DNAI4: variants seen among roughly 807,000 people sequenced by gnomAD.
The protein encoded by DNAI4 is dynein axonemal intermediate chain 4.
DNAI4 carries 85 observed loss-of-function variants against 105.8 expected under a neutral mutation model. The observed-to-expected ratio is 0.80, with a 90% CI of 0.67 to 0.96. The LOEUF is 0.96. Ranked by LOEUF, DNAI4 falls within the 40% of genes least tolerant of loss-of-function variation. The pLI is 0.00. For synonymous variants in DNAI4, 352 were observed against 331.5 expected (o/e 1.06, Z -0.67); for missense variants, 1,014 against 1,005.6 (o/e 1.01, Z -0.11).
chr1:66,814,203 T>C lies in DNAI4; in HGVS notation c.2497-23A>G, dbSNP rs769279022. On this transcript the variant is annotated intron_variant, in intron 16 of 16. Transcript: ENST00000371026. Reference sequence around the variant, plus strand: ...TCCCTGAAAAAAAAAAGTCACACAATTACAATGCAATAAAATGCAAATTAA... The same window carrying C: ...TCCCTGAAAAAAAAAAGTCACACAACTACAATGCAATAAAATGCAAATTAA... 4 of 1,565,496 alleles carry C rather than the reference T, an allele frequency of 2.6e-6. No individual in the cohort carries two copies. In the Admixed American group the frequency reaches 5.5e-5, roughly 22 times the overall value.
intron 1 of DNAI4, 144 bp from the exon 2 acceptor site, chr1:66,905,519 A>G (rs2100832952): frequency 4.0e-6 from 2 of 505,190 alleles, no homozygotes; most frequent in South Asian, 1.5e-4. Flanking sequence ...TTGAAATCTT[A>G]TTATGTATAA....
intron 16 of DNAI4, among the ~76,000 whole-genome samples, chr1:66,818,716 C>T (rs146373405): frequency 0.013 from 1,989 of 152,094 alleles, 33 homozygotes; most frequent in African/African-American, 0.046. Context: ...GTCAGGAGTT[C>T]GAGACCAGCC....
At chr1:66,853,367 A>G (rs1323807188) in intron 7 of DNAI4, among the ~76,000 whole-genome samples, 1 of 152,220 alleles carries the variant, frequency 6.6e-6, no homozygotes, top group African/African-American at 2.4e-5. Context: ...ATTAGGTTTT[A>G]TCATGGTCAG....
At chr1:66,820,321 C>G (rs1645599332) in intron 16 of DNAI4, among the ~76,000 whole-genome samples, 1 of 152,112 alleles carries the variant, frequency 6.6e-6, no homozygotes, top group Admixed American at 6.6e-5. Flanking sequence ...GACTCCACCA[C>G]TAATAACTAA....
Position 66,870,112 on chromosome 1 carries a change from G to A in DNAI4, c.940+1258C>T, listed in dbSNP as rs147376010. Among the ~76,000 whole-genome samples, 149 of 152,278 alleles carry A rather than the reference G, an allele frequency of 9.8e-4. 4 individuals are homozygous for A. In the East Asian group the frequency reaches 0.026, roughly 27 times the overall value. On this transcript the variant is annotated intron_variant, in intron 6 of 16. Coordinates refer to ENST00000371026, the MANE Select transcript of DNAI4 (RefSeq NM_024763.5). ...TTCTGTTAATCTTTTGTAAAAACTA[G>A]CTTATAGTTTTGCTGCATAATAAAG... is the stretch of plus-strand genomic sequence containing the variant.
intron 1 of DNAI4, among the ~76,000 whole-genome samples, chr1:66,910,275 C>T (rs750921143): frequency 5.9e-5 from 9 of 152,074 alleles, no homozygotes; most frequent in African/African-American, 9.7e-5. Flanking sequence ...TATGACTACT[C>T]GAAATCCTTC....
At position 66,891,139 on chromosome 1, in the gene DNAI4, G is replaced by C. The variant is rs1647603893; in HGVS notation, c.643+15C>G. The C allele has an allele frequency of 1.3e-6, 2 of 1,546,694 alleles. No individual in the cohort carries two copies. The highest frequency in any genetic ancestry group is 3.4e-4 in the Middle Eastern group (2 of 5,926). ...AACGGACTGTTACTGAAATAAACAA[G>C]TATATTTTCATTACCTGTGAAACTA... On this transcript the variant is annotated intron_variant, in intron 4 of 16. Coordinates refer to ENST00000371026, the MANE Select transcript of DNAI4 (RefSeq NM_024763.5).
intron 7 of DNAI4, among the ~76,000 whole-genome samples, chr1:66,855,290 TCA>T (rs1180686645): frequency 6.6e-6 from 1 of 152,226 alleles, no homozygotes; most frequent in Non-Finnish European, 1.5e-5. Flanking sequence ...GTTTTCCCCA[TCA>T]CTCTCTCTGC....
At chr1:66,899,758 A>G (rs1268459506) in intron 2 of DNAI4, among the ~76,000 whole-genome samples, 2 of 152,224 alleles carry the variant, frequency 1.3e-5, no homozygotes, top group Non-Finnish European at 2.9e-5. Context: ...GTAAGGGTCT[A>G]AGTTCATTCT....
intron 2 of DNAI4, among the ~76,000 whole-genome samples, chr1:66,894,687 C>G (rs935375987): frequency 2.0e-5 from 3 of 152,102 alleles, no homozygotes; most frequent in African/African-American, 7.2e-5. Context: ...CCAATTGTCT[C>G]AACAAGAGTT....
chr1:66,875,041 G>A, intron 4 of DNAI4, 104 bp from the exon 5 acceptor site: 1 of 1,100,164 alleles, frequency 9.1e-7, no homozygotes, highest in Non-Finnish European at 1.3e-6. Context: ...TATTGCAGGT[G>A]GTTTATATAG....
At position 66,813,703 on chromosome 1, in the gene DNAI4, C is replaced by T. The variant is rs1645457719; in HGVS notation, c.*427G>A. 6.5e-6 allele frequency: 1 copy of T among 153,246 alleles called. No homozygotes were observed. Among genetic ancestry groups the T allele is most frequent in the African/African-American group, 2.4e-5 (1 of 41,508 alleles). 9.5% of individuals were successfully genotyped at this position (153,246 alleles called of 1,614,324 possible). A position where few individuals can be genotyped will look rare whatever the true frequency, so the allele number is the denominator to read the frequency against. On this transcript the variant is annotated 3_prime_UTR_variant, in exon 17 of 17. Transcript: ENST00000371026. Reference sequence around the variant, plus strand: ...CTACTAAAAACTACGTAATTATAAACTCTGGAAAACAGAGCCTGGAAAGCA... The same window carrying T: ...CTACTAAAAACTACGTAATTATAAATTCTGGAAAACAGAGCCTGGAAAGCA...
chr1:66,882,475 T>C lies in DNAI4; in HGVS notation c.644-7538A>G, dbSNP rs1003035289. Among the ~76,000 whole-genome samples the C allele has an allele frequency of 2.0e-5, 3 of 152,230 alleles. No individual in the cohort carries two copies. The East Asian group carries it at 5.8e-4, about 29-fold the overall frequency. ...TTTAGGCCCATGATCCATTTTGAGT[T>C]AATTTTTGAGTAAGATGTAAGGTCT... On this transcript the variant is annotated intron_variant, in intron 4 of 16. Coordinates refer to ENST00000371026, the MANE Select transcript of DNAI4 (RefSeq NM_024763.5).
intron 4 of DNAI4, among the ~76,000 whole-genome samples, chr1:66,885,789 C>CT (rs1647186653): frequency 6.6e-6 from 1 of 152,110 alleles, no homozygotes; most frequent in Non-Finnish European, 1.5e-5. Context: ...AAGATGTTCT[C>CT]TTTGTCTTTT....
In DNAI4 at chr1:66,822,281, T is replaced by C. The variant is rs1217688059; in HGVS notation, c.2496+80A>G. 6 of 1,278,398 alleles carry C rather than the reference T, an allele frequency of 4.7e-6. No homozygotes were observed. In the East Asian group the frequency reaches 1.5e-4, roughly 31 times the overall value. The allele number at this position is 1,278,398 out of a possible 1,614,324, so 79.2% of individuals were successfully genotyped here. A position where few individuals can be genotyped will look rare whatever the true frequency, so the allele number is the denominator to read the frequency against. On this transcript the variant is annotated intron_variant, in intron 16 of 16. Coordinates refer to ENST00000371026, the MANE Select transcript of DNAI4 (RefSeq NM_024763.5). ...ATATTACACCTAAGATATTGAGAAA[T>C]GTAAATCCTTTGCATGCTACAAAAG...
chr1:66,817,028 T>G (rs1378391893), intron 16 of DNAI4, among the ~76,000 whole-genome samples: 1 of 152,148 alleles, frequency 6.6e-6, no homozygotes, highest in Admixed American at 6.5e-5. Context: ...AATTTGCTTT[T>G]ATCACTCAAC....
intron 3 of DNAI4, among the ~76,000 whole-genome samples, chr1:66,891,700 G>A (rs917057341): frequency 1.3e-5 from 2 of 152,196 alleles, no homozygotes; most frequent in African/African-American, 4.8e-5. Flanking sequence ...CTGACCTCAG[G>A]TGATCTGCCC....
At chr1:66,909,173 C>T (rs1212702284) in intron 1 of DNAI4, among the ~76,000 whole-genome samples, 2 of 152,058 alleles carry the variant, frequency 1.3e-5, no homozygotes, top group Admixed American at 1.3e-4. Flanking sequence ...CTTAAACAAA[C>T]AAGAAACTTC....
chr1:66,919,175 TC>T (rs1428028933), intron 1 of DNAI4: 26 of 412,916 alleles, frequency 6.3e-5, no homozygotes, highest in Non-Finnish European at 2.5e-5. Context: ...TGCCAGTACT[TC>T]CTGGGGCTGT....
Sources: allele counts gnomAD v4.1 joint callset (sites outside exome capture counted in the v4.1 genomes callset), GRCh38; gene constraint gnomAD v4.1.1; transcripts MANE v1.5; gene names NCBI Gene and HGNC (gene_info 2026-07-23, HGNC 2026-07-21).